CSMD1: variants seen among roughly 807,000 people sequenced by gnomAD.
The protein encoded by CSMD1 is CUB and Sushi multiple domains 1, also known as CUB and sushi domain-containing protein 1.
CSMD1 carries 213 observed loss-of-function variants against 417.5 expected under a neutral mutation model. The observed-to-expected ratio is 0.51, with a 90% confidence interval of 0.46 to 0.57. The LOEUF (loss-of-function observed/expected upper bound fraction) is 0.57, where lower values mean the gene tolerates loss of function less well. Ranked by LOEUF, CSMD1 falls within the 20% of genes least tolerant of loss-of-function variation. CSMD1 has a pLI of 0.00. For missense variants in CSMD1, 6,923 were observed against 4,529.7 expected (o/e 1.53, Z -15.17); for synonymous variants, 2,862 against 1,736.8 (o/e 1.65, Z -16.11).
At chr8:4,465,608 G>C (rs1161691223) in intron 2 of CSMD1, among the ~76,000 whole-genome samples, 1 of 152,160 alleles carries the variant, frequency 6.6e-6, no homozygotes, top group Non-Finnish European at 1.5e-5. Context: ...AGACGTTGAG[G>C]ATTATTAAGT....
intron 25 of CSMD1, among the ~76,000 whole-genome samples, chr8:3,292,741 C>G (rs1803671807): frequency 6.6e-6 from 1 of 152,134 alleles, no homozygotes; most frequent in South Asian, 2.1e-4. Flanking sequence ...AGATGGGTTT[C>G]CTGAATAGAG....
chr8:4,920,681 G>C (rs541888548), intron 1 of CSMD1, among the ~76,000 whole-genome samples: 1 of 151,820 alleles, frequency 6.6e-6, no homozygotes, highest in African/African-American at 2.4e-5. Context: ...AAATAGCCAT[G>C]CGTGGGTGGT....
chr8:4,890,914 T>C (rs547042873), intron 1 of CSMD1, among the ~76,000 whole-genome samples: 4 of 152,164 alleles, frequency 2.6e-5, no homozygotes, highest in East Asian at 1.9e-4. Context: ...GAGGGAGTGG[T>C]GCACCTGGGG....
rs140718727 is a variant in CSMD1, at chr8:4,419,107, A to G, written c.415+846T>C. On this transcript the variant is annotated intron_variant, in intron 3 of 69. Coordinates refer to ENST00000635120, the MANE Select transcript of CSMD1 (RefSeq NM_033225.6). ...TCCCAGTAAGAATATATAATTTGTG[A>G]CTTAGTAGCAAATGACATCCCAAGT... Among the ~76,000 whole-genome samples the G allele has an allele frequency of 3.3e-5, 5 of 152,262 alleles. No homozygotes were observed. In the Middle Eastern group the frequency reaches 0.01, roughly 311 times the overall value.
intron 1 of CSMD1, among the ~76,000 whole-genome samples, chr8:4,669,815 T>G (rs931151843): frequency 6.6e-6 from 1 of 152,216 alleles, no homozygotes; most frequent in Non-Finnish European, 1.5e-5. Flanking sequence ...TAGCAATATT[T>G]GGAAAGACAT....
At chr8:4,628,860 G>C (rs1210245515) in intron 2 of CSMD1, among the ~76,000 whole-genome samples, 1 of 152,092 alleles carries the variant, frequency 6.6e-6, no homozygotes, top group Admixed American at 6.5e-5. Flanking sequence ...GAAATTCGTT[G>C]ATGGTGTTTT....
intron 2 of CSMD1, among the ~76,000 whole-genome samples, chr8:4,496,577 C>T (rs1801989225): frequency 6.6e-6 from 1 of 152,180 alleles, no homozygotes; most frequent in Non-Finnish European, 1.5e-5. Flanking sequence ...CCTGCCTTCT[C>T]TCTGCTCCTT....
chr8:3,406,359 CATAG>C (rs35273013), intron 14 of CSMD1, 138 bp from the exon 15 acceptor site: 289,138 of 579,964 alleles, frequency 0.5, 76,488 homozygotes, highest in Middle Eastern at 0.6. Flanking sequence ...TTGTATCATT[CATAG>C]ATAGATAATA....
At chr8:3,075,340 G>T (rs941844289) in intron 49 of CSMD1, among the ~76,000 whole-genome samples, 1 of 150,158 alleles carries the variant, frequency 6.7e-6, no homozygotes, top group African/African-American at 2.5e-5. Flanking sequence ...GGAGTGCAAC[G>T]GTGTGATCTC....
chr8:3,779,841 G>C (rs934606264), intron 5 of CSMD1, among the ~76,000 whole-genome samples: 15 of 152,180 alleles, frequency 9.9e-5, no homozygotes, highest in Non-Finnish European at 2.2e-4. Context: ...AGGAAAAATA[G>C]TTGTTTAAGG....
chr8:4,723,807 A>AC (rs1563222937), intron 1 of CSMD1, among the ~76,000 whole-genome samples: 2 of 151,554 alleles, frequency 1.3e-5, no homozygotes, highest in East Asian at 1.9e-4. Context: ...AAAACAAAAA[A>AC]AAAACAAAAC....
chr8:4,295,296 G>A (rs1364965862), intron 3 of CSMD1, among the ~76,000 whole-genome samples: 2 of 104,822 alleles, frequency 1.9e-5, no homozygotes, highest in African/African-American at 6.3e-5. Flanking sequence ...ATAATCTTAA[G>A]ATTATCTATA....
In CSMD1 at chr8:4,980,738, G is replaced by A. The variant is rs188591031; in HGVS notation, c.85+13594C>T. On this transcript the variant is annotated intron_variant, in intron 1 of 69. Coordinates refer to ENST00000635120, the MANE Select transcript of CSMD1 (RefSeq NM_033225.6). ...GACAACAGGACAAGACCCTGTCTCT[G>A]CAAAAAGCTACACCAAGTGAGCTGA... Among the ~76,000 whole-genome samples the A allele has an allele frequency of 5.9e-3, 903 of 152,058 alleles. 13 individuals are homozygous for A. Among genetic ancestry groups the A allele is most frequent in the Middle Eastern group, 0.034 (10 of 294 alleles).
intron 1 of CSMD1, among the ~76,000 whole-genome samples, chr8:4,762,148 A>G (rs1812151030): frequency 6.6e-6 from 1 of 152,128 alleles, no homozygotes; most frequent in Admixed American, 6.6e-5. Flanking sequence ...AAAAGGTAAG[A>G]TGTCACCACC....
At chr8:3,636,609 G>T (rs752657337) in intron 7 of CSMD1, among the ~76,000 whole-genome samples, 5 of 152,126 alleles carry the variant, frequency 3.3e-5, no homozygotes, top group Non-Finnish European at 7.3e-5. Flanking sequence ...CATCTTTTCA[G>T]GAAATGTTTT....
chr8:4,467,056 A>G (rs1412064625), intron 2 of CSMD1, among the ~76,000 whole-genome samples: 3 of 151,762 alleles, frequency 2.0e-5, no homozygotes, highest in Non-Finnish European at 2.9e-5. Context: ...CAGAACAATT[A>G]AAAGAAGTGA....
intron 1 of CSMD1, among the ~76,000 whole-genome samples, chr8:4,744,735 T>G (rs559452379): frequency 6.6e-6 from 1 of 152,322 alleles, no homozygotes; most frequent in African/African-American, 2.4e-5. Context: ...ATAATTATAC[T>G]AATTAGTGTA....
intron 7 of CSMD1, among the ~76,000 whole-genome samples, chr8:3,675,935 G>A (rs1029556157): frequency 2.0e-5 from 3 of 152,094 alleles, no homozygotes; most frequent in Non-Finnish European, 4.4e-5. Context: ...GGAGAGTAAT[G>A]TACCTGAGTA....
chr8:3,441,524 C>G (rs1448801463), intron 12 of CSMD1, among the ~76,000 whole-genome samples: 1 of 132,690 alleles, frequency 7.5e-6, no homozygotes. Flanking sequence ...CACACACACA[C>G]AAAATCCTGT....
Sources: gnomAD v4.1 joint callset for allele counts (sites outside exome capture counted in the v4.1 genomes callset) on GRCh38, gnomAD v4.1.1 for gene constraint, MANE v1.5 for transcripts, NCBI Gene and HGNC (gene_info 2026-07-23, HGNC 2026-07-21) for gene names.